Variants in ANO2 observed in about 807,000 individuals in gnomAD.
ANO2 encodes anoctamin 2.
Under a neutral mutation model 124.2 loss-of-function variants are expected in ANO2, and 101 were observed. The ratio of observed to expected loss-of-function variants is 0.81; its 90% confidence interval spans 0.69 to 0.96. The LOEUF is 0.96. Ranked by LOEUF, ANO2 falls within the 40% of genes least tolerant of loss-of-function variation. The pLI is 0.00. For synonymous variants in ANO2, 486 were observed against 482.5 expected (o/e 1.01, Z -0.09); for missense variants, 1,293 against 1,274.5 (o/e 1.01, Z -0.22).
chr12:5,638,888 C>T (rs1231780240), intron 15 of ANO2, among the ~76,000 whole-genome samples: 1 of 152,086 alleles, frequency 6.6e-6, no homozygotes, highest in African/African-American at 2.4e-5. Context: ...CTACTTGACG[C>T]CAAGAGAGAG....
At position 5,903,495 on chromosome 12, in the gene ANO2, G is replaced by A. The variant is rs115108747; in HGVS notation, c.534+17545C>T. On this transcript the variant is annotated intron_variant, in intron 3 of 24. Transcript: ENST00000682330. ...GTGAAGTATCATATAATTTCCCCAC[G>A]GTTATATGTCCTCTAGTGGCTCAGC... Among the ~76,000 whole-genome samples the A allele has an allele frequency of 2.2e-3, 335 of 152,256 alleles. 3 individuals carry two copies. The highest frequency in any genetic ancestry group is 7.7e-3 in the African/African-American group (318 of 41,556).
chr12:5,828,753 T>C (rs1954064768), intron 6 of ANO2, among the ~76,000 whole-genome samples: 1 of 152,128 alleles, frequency 6.6e-6, no homozygotes, highest in South Asian at 2.1e-4. Flanking sequence ...CAAAGGTGGG[T>C]CAGTGTAAAC....
At chr12:5,881,096 A>T (rs1938472386) in intron 3 of ANO2, among the ~76,000 whole-genome samples, 1 of 152,208 alleles carries the variant, frequency 6.6e-6, no homozygotes, top group South Asian at 2.1e-4. Flanking sequence ...GTTGTCTAGT[A>T]TTCTACGTAT....
chr12:5,826,906 G>C (rs1451296028), intron 7 of ANO2, among the ~76,000 whole-genome samples: 1 of 152,128 alleles, frequency 6.6e-6, no homozygotes, highest in African/African-American at 2.4e-5. Context: ...ACCTAAAGCT[G>C]CCTCAAAAGC....
rs147512737 is a variant in ANO2, at chr12:5,846,035, C to T, written c.633+8008G>A. ...CATAATTCAAAGCGGTTTTATGAAT[C>T]TTTTTCCTCAAAGTCAAATGTAAGA... On this transcript the variant is annotated intron_variant, in intron 4 of 24. Coordinates refer to ENST00000682330, the MANE Select transcript of ANO2 (RefSeq NM_001364791.2). Among the ~76,000 whole-genome samples, 694 of 152,312 alleles carry T rather than the reference C, an allele frequency of 4.6e-3. 6 individuals carry two copies. Among genetic ancestry groups the T allele is most frequent in the African/African-American group, 0.016 (653 of 41,574 alleles).
intron 19 of ANO2, among the ~76,000 whole-genome samples, chr12:5,601,293 G>C (rs7971584): frequency 6.6e-6 from 1 of 151,992 alleles, no homozygotes; most frequent in Non-Finnish European, 1.5e-5. Context: ...GATAAATAAA[G>C]ATAGACAAAT....
intron 3 of ANO2, among the ~76,000 whole-genome samples, chr12:5,913,588 C>T (rs1241957274): frequency 6.6e-6 from 1 of 152,238 alleles, no homozygotes; most frequent in Non-Finnish European, 1.5e-5. Context: ...TTGGTTGGTT[C>T]TCCTCGGGAT....
At chr12:5,624,946 G>A (rs566239911) in intron 16 of ANO2, among the ~76,000 whole-genome samples, 24 of 152,236 alleles carry the variant, frequency 1.6e-4, no homozygotes, top group Non-Finnish European at 3.1e-4. Flanking sequence ...CTAGGGGGAC[G>A]CATCAGCCTG....
intron 1 of ANO2, among the ~76,000 whole-genome samples, chr12:5,923,286 A>G (rs1941924123): frequency 6.6e-6 from 1 of 150,900 alleles, no homozygotes; most frequent in South Asian, 2.1e-4. Context: ...ACACGCACAC[A>G]CACAGCGTGG....
intron 3 of ANO2, among the ~76,000 whole-genome samples, chr12:5,914,286 G>A (rs377652162): frequency 8.6e-5 from 13 of 152,032 alleles, no homozygotes; most frequent in African/African-American, 2.2e-4. Flanking sequence ...GGGAGGGCAC[G>A]ATGTCACACA....
At chr12:5,667,571 T>C (rs1947790587) in intron 14 of ANO2, among the ~76,000 whole-genome samples, 1 of 152,164 alleles carries the variant, frequency 6.6e-6, no homozygotes, top group African/African-American at 2.4e-5. Flanking sequence ...AGTTCCAGGG[T>C]ACATGTGGAG....
At position 5,799,531 on chromosome 12, in the gene ANO2, T is replaced by C; in HGVS notation, c.1031A>G (p.Lys344Arg). ...QEWARYGVFY[K>R]FQPIDLIRKY... ...CCTGATGAGGTCAATAGGTTGGAAC[T>C]TATAGAACACTCCATAGCGCGCCCA... The change falls in exon 10 of 25, where the codon AAG becomes AGG. Residue 344 changes from lysine (K) to arginine (R), a missense_variant. By Grantham distance (26) the Lys-to-Arg change is conservative (BLOSUM62 2). Coordinates refer to ENST00000682330, the MANE Select transcript of ANO2 (RefSeq NM_001364791.2). 1 of 1,613,952 alleles carries C rather than the reference T, an allele frequency of 6.2e-7. No individual in the cohort carries two copies. The highest frequency in any genetic ancestry group is 8.5e-7 in the Non-Finnish European group (1 of 1,179,856).
chr12:5,640,110 T>C (rs1398855463), intron 15 of ANO2, among the ~76,000 whole-genome samples: 1 of 152,116 alleles, frequency 6.6e-6, no homozygotes, highest in Non-Finnish European at 1.5e-5. Context: ...TCCATGCTGG[T>C]TTCTAACACA....
rs1172569328 is a variant in ANO2, at chr12:5,900,511, C to T, written c.534+20529G>A. Among the ~76,000 whole-genome samples the T allele has an allele frequency of 6.6e-6, 1 of 152,106 alleles. No homozygotes were observed. The highest frequency in any genetic ancestry group is 1.5e-5 in the Non-Finnish European group (1 of 68,012). The stretch of plus-strand genomic sequence containing the variant: ...CGCTAATTAAAGACTCTCAAAGGTC[C>T]CTTCCAACTCTTTCTGAGTCATCGA... On this transcript the variant is annotated intron_variant, in intron 3 of 24. Coordinates refer to ENST00000682330, the MANE Select transcript of ANO2 (RefSeq NM_001364791.2). The surrounding 1 kb of genome is among the most constrained non-coding windows in gnomAD (Gnocchi z 4.2).
chr12:5,827,320 G>A lies in ANO2; in HGVS notation c.892+449C>T, dbSNP rs534530145. Reference sequence around the variant, plus strand: ...AGGCTCACTCAGACTCAGCTATCACGTGCTGTGTGGGCTTAGGACAGTCAT... The same window carrying A: ...AGGCTCACTCAGACTCAGCTATCACATGCTGTGTGGGCTTAGGACAGTCAT... On this transcript the variant is annotated intron_variant, in intron 7 of 24. Transcript: ENST00000682330. Among the ~76,000 whole-genome samples the A allele has an allele frequency of 2.6e-4, 40 of 151,394 alleles. 1 individual carries two copies. The South Asian group carries it at 8.1e-3, about 31-fold the overall frequency.
chr12:5,590,375 T>C (rs1448450660), intron 20 of ANO2, among the ~76,000 whole-genome samples: 1 of 152,154 alleles, frequency 6.6e-6, no homozygotes, highest in Non-Finnish European at 1.5e-5. Context: ...GGGAGGCACA[T>C]GGAGACGGAA....
At chr12:5,878,651 C>T (rs1276135969) in intron 3 of ANO2, among the ~76,000 whole-genome samples, 2 of 152,148 alleles carry the variant, frequency 1.3e-5, no homozygotes, top group African/African-American at 4.8e-5. Flanking sequence ...GTACCCAATA[C>T]CAATAAAGCT....
chr12:5,846,705 C>G (rs1031958104), intron 4 of ANO2, among the ~76,000 whole-genome samples: 1 of 152,328 alleles, frequency 6.6e-6, no homozygotes, highest in Non-Finnish European at 1.5e-5. Flanking sequence ...TTTGAGCCTG[C>G]ATAACTCCAG....
At chr12:5,784,368 T>C (rs1450089219) in intron 10 of ANO2, among the ~76,000 whole-genome samples, 3 of 152,210 alleles carry the variant, frequency 2.0e-5, no homozygotes, top group African/African-American at 4.8e-5. Flanking sequence ...AACTTGACTA[T>C]AAGCTCCTTG....
Sources: allele counts gnomAD v4.1 joint callset (sites outside exome capture counted in the v4.1 genomes callset), GRCh38; gene constraint gnomAD v4.1.1; non-coding constraint Gnocchi (gnomAD v3.1); transcripts MANE v1.5; gene names NCBI Gene and HGNC (gene_info 2026-07-23, HGNC 2026-07-21).